Variants in DPP6 observed in about 807,000 individuals in gnomAD.
DPP6 encodes the protein A-type potassium channel modulatory protein DPP6.
Under a neutral mutation model 122.6 loss-of-function variants are expected in DPP6, and 69 were observed. That is an observed-to-expected ratio of 0.56 (90% confidence interval 0.46 to 0.69). The LOEUF is 0.69. DPP6 is among the 30% of genes least tolerant of loss of function. DPP6 has a pLI of 0.00. For synonymous variants in DPP6, 418 were observed against 433.1 expected, an observed-to-expected ratio of 0.97 and a Z score of 0.43; for missense variants, 928 against 1,116.9, an observed-to-expected ratio of 0.83 and a Z score of 2.41.
In DPP6 at chr7:154,237,636, C is replaced by A. The variant is rs189455834; in HGVS notation, c.243+184573C>A. Among the ~76,000 whole-genome samples the A allele has an allele frequency of 4.7e-4, 72 of 152,276 alleles. 2 individuals carry two copies. Among genetic ancestry groups the A allele is most frequent in the Admixed American group, 4.6e-3 (71 of 15,286 alleles). On this transcript the variant is annotated intron_variant, in intron 1 of 25. Transcript: ENST00000377770. ...AGAGTCACACCATTTCATCTAGAAA[C>A]CCTCATCTCCTTCTTCTTTTTTTCT...
intron 1 of DPP6, among the ~76,000 whole-genome samples, chr7:154,081,213 C>CT (rs762555249): frequency 4.0e-5 from 6 of 151,410 alleles, no homozygotes; most frequent in Admixed American, 1.3e-4. Flanking sequence ...AGCAAAGGCC[C>CT]TGTAGTGAGG....
intron 1 of DPP6, among the ~76,000 whole-genome samples, chr7:154,060,025 C>G (rs1365344269): frequency 6.6e-6 from 1 of 151,728 alleles, no homozygotes; most frequent in Non-Finnish European, 1.5e-5. Context: ...GGGGAGGCAC[C>G]CCCCGCGAGG....
intron 1 of DPP6, among the ~76,000 whole-genome samples, chr7:154,194,184 G>A (rs557399982): frequency 6.6e-6 from 1 of 152,242 alleles, no homozygotes; most frequent in African/African-American, 2.4e-5. Flanking sequence ...TGTTGGTATA[G>A]CTTGAAAAAG....
chr7:154,846,573 CT>C (rs1157535424), intron 16 of DPP6, among the ~76,000 whole-genome samples: 3 of 152,138 alleles, frequency 2.0e-5, no homozygotes, highest in Non-Finnish European at 2.9e-5. Flanking sequence ...ACTATAAAAC[CT>C]TTTTGAAACA....
chr7:154,854,987 G>A (rs906248979), intron 17 of DPP6, among the ~76,000 whole-genome samples: 4 of 152,018 alleles, frequency 2.6e-5, no homozygotes, highest in Non-Finnish European at 5.9e-5. Flanking sequence ...AGTTCCCCTA[G>A]GTCTGGGGAC....
chr7:153,834,961 A>G, the DPP6 span, among the ~76,000 whole-genome samples: 8 of 152,294 alleles, frequency 5.3e-5, no homozygotes, highest in Admixed American at 3.9e-4. Flanking sequence ...GCTCCTCTTG[A>G]GGAATGGTAG....
rs1822895804 is a variant in DPP6 at position 154,477,926 on chromosome 7, C to G, written c.457+2889C>G. Among the ~76,000 whole-genome samples the G allele has an allele frequency of 3.3e-5, 5 of 152,170 alleles. No individual in the cohort carries two copies. In the South Asian group the frequency reaches 1.0e-3, roughly 32 times the overall value. On this transcript the variant is annotated intron_variant, in intron 3 of 25. Transcript: ENST00000377770. ...TGTGAAGTAACCAAGTGGTTGGGTCCCCAAATACAGGTTTGATTTGGAGTG... is the reference window on the plus strand; with the variant it reads ...TGTGAAGTAACCAAGTGGTTGGGTCGCCAAATACAGGTTTGATTTGGAGTG...
chr7:154,391,321 T>A (rs1274659276), intron 1 of DPP6, among the ~76,000 whole-genome samples: 1 of 149,428 alleles, frequency 6.7e-6, no homozygotes, highest in Non-Finnish European at 1.5e-5. Context: ...GATGCCCCTG[T>A]ACCTCCTCCA....
At chr7:154,611,850 CAT>C (rs199957515) in intron 5 of DPP6, among the ~76,000 whole-genome samples, 4 of 103,910 alleles carry the variant, frequency 3.8e-5, no homozygotes, top group Non-Finnish European at 6.6e-5. Context: ...ATTTTGCTTT[CAT>C]ATATGTGTGT....
At chr7:154,786,782 A>G (rs946649322) in intron 10 of DPP6, among the ~76,000 whole-genome samples, 1 of 152,182 alleles carries the variant, frequency 6.6e-6, no homozygotes, top group South Asian at 2.1e-4. Context: ...GAAATAATAT[A>G]TCTATGTGTG....
chr7:154,334,037 T>A (rs1809178941), intron 1 of DPP6, among the ~76,000 whole-genome samples: 1 of 152,216 alleles, frequency 6.6e-6, no homozygotes, highest in African/African-American at 2.4e-5. Flanking sequence ...ATTTCAGCTT[T>A]GTTATTTTAT....
chr7:154,358,933 T>G lies in DPP6; in HGVS notation c.244-87281T>G, dbSNP rs185331786. Among the ~76,000 whole-genome samples, 43 of 152,322 alleles carry G rather than the reference T, an allele frequency of 2.8e-4. No individual in the cohort carries two copies. In the East Asian group the frequency reaches 8.1e-3, roughly 29 times the overall value. On this transcript the variant is annotated intron_variant, in intron 1 of 25. Coordinates refer to ENST00000377770, the MANE Select transcript of DPP6 (RefSeq NM_130797.4). ...GCTGACCAGGCTGGTCTCGAACTCC[T>G]GACCTCAGGTGATCCACCTGCCTCG... is the stretch of plus-strand genomic sequence containing the variant.
chr7:153,758,543 G>A, the DPP6 span, among the ~76,000 whole-genome samples: 29 of 152,152 alleles, frequency 1.9e-4, no homozygotes, highest in Non-Finnish European at 2.2e-4. Flanking sequence ...TTTTCCATCC[G>A]TAAGGAAAAC....
chr7:154,892,250 C>T, intron 25 of DPP6, 84 bp from the exon 26 acceptor site: 1 of 1,581,466 alleles, frequency 6.3e-7, no homozygotes. Context: ...GCCCAGGTTT[C>T]ACTAAACTCC....
At position 154,735,476 on chromosome 7, in the gene DPP6, T is replaced by C. The variant is rs566152425; in HGVS notation, c.883+7589T>C. 3.1e-4 allele frequency among the ~76,000 whole-genome samples: 47 copies of C among 152,368 alleles called. 1 individual carries two copies. The highest frequency in any genetic ancestry group is 1.1e-3 in the African/African-American group (44 of 41,596). On this transcript the variant is annotated intron_variant, in intron 8 of 25. Coordinates refer to ENST00000377770, the MANE Select transcript of DPP6 (RefSeq NM_130797.4). Reference sequence around the variant, plus strand: ...CGAAGCTATCAGACCTATGAGGTACTGTGCAATGGAGCATTGGCTCAATCA... The same window carrying C: ...CGAAGCTATCAGACCTATGAGGTACCGTGCAATGGAGCATTGGCTCAATCA...
At chr7:154,047,561 A>G (rs527753936), upstream of DPP6, among the ~76,000 whole-genome samples, 1 of 149,110 alleles carries the variant, frequency 6.7e-6, no homozygotes, top group South Asian at 2.1e-4. Flanking sequence ...CCAAAAACCT[A>G]AGAGCCTTGG....
At chr7:154,485,050 G>A (rs1488511320) in intron 3 of DPP6, among the ~76,000 whole-genome samples, 11 of 152,100 alleles carry the variant, frequency 7.2e-5, no homozygotes, top group Admixed American at 5.2e-4. Flanking sequence ...CTTTTTGGAG[G>A]CCACATTTTT....
At chr7:154,800,972 C>T (rs1798324109) in intron 12 of DPP6, among the ~76,000 whole-genome samples, 1 of 151,988 alleles carries the variant, frequency 6.6e-6, no homozygotes, top group Admixed American at 6.6e-5. Context: ...ACAATACACT[C>T]TGGTTTCAAT....
At chr7:154,859,649 ACT>A (rs979809661) in intron 17 of DPP6, among the ~76,000 whole-genome samples, 3 of 152,070 alleles carry the variant, frequency 2.0e-5, no homozygotes, top group Admixed American at 6.6e-5. Context: ...CACAGATGTG[ACT>A]CTGAATTATT....
Sources: allele counts gnomAD v4.1 joint callset (sites outside exome capture counted in the v4.1 genomes callset), GRCh38; gene constraint gnomAD v4.1.1; transcripts MANE v1.5; gene names NCBI Gene and HGNC (gene_info 2026-07-23, HGNC 2026-07-21).